Variants in SON observed in about 807,000 individuals in gnomAD.
SON encodes the protein SON DNA and RNA binding protein, also known as protein SON.
A neutral mutation model predicts 173.3 loss-of-function variants in SON; 4 were observed. The observed-to-expected ratio is 0.02, with a 90% confidence interval of 0.01 to 0.05. The LOEUF (loss-of-function observed/expected upper bound fraction) is 0.05, where lower values mean the gene tolerates loss of function less well. Ranked by LOEUF, SON falls within the 10% of genes least tolerant of loss-of-function variation. SON has a pLI of 1.00. For synonymous variants in SON, 1,190 were observed against 1,105.9 expected (o/e 1.08, Z -1.51); for missense variants, 2,626 against 3,055.3 (o/e 0.86, Z 3.31).
intron 9 of SON, among the ~76,000 whole-genome samples, chr21:33,574,717 C>T (rs919166449): frequency 2.9e-4 from 44 of 152,160 alleles, no homozygotes; most frequent in African/African-American, 1.1e-3. Flanking sequence ...CACTTCTGGT[C>T]CCAAGCATTT....
Position 33,555,029 on chromosome 21 carries a change from C to G in SON, c.5798C>G (p.Thr1933Ser), listed in dbSNP as rs2085929917. 6.2e-7 allele frequency: 1 copy of G among 1,613,108 alleles called. No homozygotes were observed. The change falls in exon 3 of 12, where the codon ACT becomes AGT. Residue 1933 changes from threonine to serine, a missense_variant. Coordinates refer to ENST00000356577, the MANE Select transcript of SON (RefSeq NM_138927.4). The part of the protein sequence containing the change: ...RTPSRRSRSH[T>S]PSRRRRSRSV... The stretch of plus-strand genomic sequence containing the variant: ...CCAAGTCGTCGGAGTCGGAGTCATA[C>G]TCCAAGTCGTCGACGAAGGTCTAGA...
At chr21:33,562,379 T>C (rs377612757) in intron 6 of SON, among the ~76,000 whole-genome samples, 1 of 152,208 alleles carries the variant, frequency 6.6e-6, no homozygotes, top group East Asian at 1.9e-4. Flanking sequence ...GTAATTTTTA[T>C]CTATGCCTTT....
intron 3 of SON, among the ~76,000 whole-genome samples, chr21:33,556,345 G>A (rs148982092): frequency 1.2e-3 from 178 of 152,286 alleles, no homozygotes; most frequent in Non-Finnish European, 2.2e-3. Context: ...TGATAGAGGT[G>A]AGGTACTTTA....
chr21:33,566,510 G>T (rs2086175101), intron 6 of SON, among the ~76,000 whole-genome samples: 1 of 131,248 alleles, frequency 7.6e-6, no homozygotes, highest in African/African-American at 3.0e-5. Context: ...GACTTCCACA[G>T]AAATATTGTA....
At chr21:33,569,699 G>T (rs2086243347) in intron 8 of SON, 6 of 426,998 alleles carry the variant, frequency 1.4e-5, no homozygotes, top group South Asian at 8.6e-5. Context: ...CCTAGTATTA[G>T]CTCTGCATGT....
At chr21:33,569,141 G>T (rs1355070866) in intron 8 of SON, 54 bp downstream of exon 8, 3 of 1,078,170 alleles carry the variant, frequency 2.8e-6, no homozygotes, top group East Asian at 4.8e-5. Context: ...AAATTTTTTG[G>T]AAACTGTTTA....
intron 4 of SON, chr21:33,557,883 T>G: frequency 3.1e-6 from 1 of 323,294 alleles, no homozygotes. Flanking sequence ...CAGTAACATA[T>G]ATATTTTAAA....
At chr21:33,565,405 T>C (rs922656642) in intron 6 of SON, among the ~76,000 whole-genome samples, 2 of 152,128 alleles carry the variant, frequency 1.3e-5, no homozygotes, top group African/African-American at 4.8e-5. Flanking sequence ...AAAGTAAGTG[T>C]GAGAAGGTTA....
chr21:33,577,376 G>C lies in SON; in HGVS notation c.*952G>C, dbSNP rs2086425632. On this transcript the variant is annotated 3_prime_UTR_variant, in exon 12 of 12. Transcript: ENST00000356577. ...GTTAAAAGTTTATGTTAATTTTTAG[G>C]GTCTGATAGAATATTTCATGTGTAT... 1 of 152,304 alleles carries C rather than the reference G, an allele frequency of 6.6e-6. No homozygotes were observed. Among genetic ancestry groups the C allele is most frequent in the Non-Finnish European group, 1.5e-5 (1 of 67,990 alleles). The allele number at this position is 152,304 out of a possible 1,614,324, so 9.4% of individuals were successfully genotyped here. A position where few individuals can be genotyped will look rare whatever the true frequency, so the allele number is the denominator to read the frequency against.
chr21:33,558,714 C>A (rs2086013348), intron 4 of SON: 2 of 152,138 alleles, frequency 1.3e-5, no homozygotes, highest in African/African-American at 4.8e-5. Flanking sequence ...CCCTACCAGT[C>A]TTTGTTCTTT....
intron 6 of SON, among the ~76,000 whole-genome samples, chr21:33,561,503 C>A (rs1258127480): frequency 3.9e-5 from 6 of 152,046 alleles, no homozygotes; most frequent in African/African-American, 7.2e-5. Context: ...GAAGACTTAA[C>A]AAATATTGCA....
In SON at chr21:33,543,313, GC is replaced by G. The variant is rs1376802517; in HGVS notation, c.77+152del. On this transcript the variant is annotated intron_variant, in intron 1 of 11. Coordinates refer to ENST00000356577, the MANE Select transcript of SON (RefSeq NM_138927.4). ...CCTGGGCCTGGGATCCATTTTCCGGGCCCCCCCCAACCGCCCCCCCAGCCGC... is the reference window on the plus strand; with the variant it reads ...CCTGGGCCTGGGATCCATTTTCCGGGCCCCCCCAACCGCCCCCCCAGCCGC... 5.9e-4 allele frequency: 427 copies of G among 720,150 alleles called. 1 individual carries two copies. The highest frequency in any genetic ancestry group is 4.7e-3 in the African/African-American group (263 of 55,450). 44.6% of individuals were successfully genotyped at this position (720,150 alleles called of 1,614,324 possible).
rs757244061 is a variant in SON, at chr21:33,575,639, C to T, written c.7077C>T (p.Asn2359=). ...AAAGAGCACAAAAGAGGTCTGGGAA[C>T]TTCTCTGCTGCAATGAAAGATCTGT... ...VGERAQKRSG[N]FSAAMKDLSG... Residue 2359 remains asparagine, a synonymous_variant, in exon 10 of 12, where the codon AAC becomes AAT. Coordinates refer to ENST00000356577, the MANE Select transcript of SON (RefSeq NM_138927.4). 1.9e-6 allele frequency: 3 copies of T among 1,613,186 alleles called. No homozygotes were observed. The highest frequency in any genetic ancestry group is 1.7e-5 in the Admixed American group (1 of 59,882).
In SON at chr21:33,550,743, C is replaced by T. The variant is rs775925687; in HGVS notation, c.1512C>T (p.Thr504=). Residue 504 remains threonine (T), a synonymous_variant, in exon 3 of 12, where the codon ACC becomes ACT. Transcript: ENST00000356577. ...CGGTAACAGTAGCAATGGAGTTGAC[C>T]GAACAACCTGTGACGACGACAGAGT... ...QPAVTVAMEL[T]EQPVTTTELE... The T allele has an allele frequency of 8.1e-6, 13 of 1,613,818 alleles. No homozygotes were observed. Among genetic ancestry groups the T allele is most frequent in the Middle Eastern group, 1.6e-4 (1 of 6,084 alleles).
intron 6 of SON, among the ~76,000 whole-genome samples, chr21:33,564,897 A>G (rs1365288164): frequency 6.6e-6 from 1 of 152,068 alleles, no homozygotes; most frequent in Non-Finnish European, 1.5e-5. Context: ...CCAGTAGTCA[A>G]ATTACTATTT....
Position 33,543,175 on chromosome 21 carries a change from C to G in SON, c.77+6C>G, listed in dbSNP as rs201422694. On this transcript the variant is annotated splice_donor_region_variant and intron_variant, in intron 1 of 11. Coordinates refer to ENST00000356577, the MANE Select transcript of SON (RefSeq NM_138927.4). ...ATTCAACAGGAGCTTTCCAGGTAAACGCCTCCCAGATTCTTCTGCTCCCAA... is the reference window on the plus strand; with the variant it reads ...ATTCAACAGGAGCTTTCCAGGTAAAGGCCTCCCAGATTCTTCTGCTCCCAA... 7 of 1,611,944 alleles carry G rather than the reference C, an allele frequency of 4.3e-6. No individual in the cohort carries two copies. In the Admixed American group the frequency reaches 1.0e-4, roughly 23 times the overall value.
intron 2 of SON, among the ~76,000 whole-genome samples, chr21:33,547,970 G>A (rs1389227634): frequency 6.6e-6 from 1 of 151,620 alleles, no homozygotes; most frequent in African/African-American, 2.4e-5. Flanking sequence ...TGATCCACAC[G>A]TCTTGGCCTC....
chr21:33,558,824 G>T (rs2086015297), intron 4 of SON: 1 of 152,886 alleles, frequency 6.5e-6, no homozygotes, highest in Non-Finnish European at 1.5e-5. Context: ...TAGCACTTAT[G>T]TACTCAGTTT....
intron 9 of SON, 45 bp downstream of exon 9, chr21:33,573,500 A>G: frequency 6.5e-7 from 1 of 1,528,818 alleles, no homozygotes; most frequent in Non-Finnish European, 9.0e-7. Context: ...CTCCTTTAAC[A>G]TTACCTTTAA....
Sources: gnomAD v4.1 joint callset for allele counts (sites outside exome capture counted in the v4.1 genomes callset) on GRCh38, gnomAD v4.1.1 for gene constraint, MANE v1.5 for transcripts, NCBI Gene and HGNC (gene_info 2026-07-23, HGNC 2026-07-21) for gene names.